The following ARG1 variants were observed in gnomAD, a reference collection of about 807,000 sequenced individuals.
ARG1 encodes arginase 1.
A neutral mutation model predicts 33.0 loss-of-function variants in ARG1; 20 were observed. The observed-to-expected ratio is 0.61, with a 90% confidence interval of 0.43 to 0.88. The LOEUF (loss-of-function observed/expected upper bound fraction) is 0.88, where lower values mean the gene tolerates loss of function less well. Ranked by LOEUF, ARG1 falls within the 40% of genes least tolerant of loss-of-function variation. The pLI is 0.00. For missense variants in ARG1, 374 were observed against 384.7 expected (o/e 0.97, Z 0.23); for synonymous variants, 146 against 140.6 (o/e 1.04, Z -0.27).
At chr6:131,574,566 G>A (rs1001842006) in intron 1 of ARG1, among the ~76,000 whole-genome samples, 1 of 152,212 alleles carries the variant, frequency 6.6e-6, no homozygotes, top group South Asian at 2.1e-4. Context: ...ATGGTCATGA[G>A]AATGGAGTTC....
intron 4 of ARG1, 34 bp downstream of exon 4, chr6:131,581,412 A>ATACTT: frequency 6.3e-7 from 1 of 1,593,366 alleles, no homozygotes; most frequent in South Asian, 1.1e-5. Context: ...GTGCAATAGA[A>ATACTT]TACTTTTTAG....
In ARG1 at chr6:131,584,145, A is replaced by G. The variant is rs1774083531; in HGVS notation, c.*237A>G. The G allele has an allele frequency of 3.9e-6, 2 of 517,250 alleles. No individual in the cohort carries two copies. The highest frequency in any genetic ancestry group is 3.6e-5 in the East Asian group (1 of 27,566). 32.0% of individuals were successfully genotyped at this position (517,250 alleles called of 1,614,324 possible). A position where few individuals can be genotyped will look rare whatever the true frequency, so the allele number is the denominator to read the frequency against. On this transcript the variant is annotated 3_prime_UTR_variant, in exon 8 of 8. Coordinates refer to ENST00000368087, the MANE Select transcript of ARG1 (RefSeq NM_000045.4). ...TGGCAAAAGACTTATCCTTAGAAAGAGAAGTGTACATTGATTTCCAATTAA... is the reference window on the plus strand; with the variant it reads ...TGGCAAAAGACTTATCCTTAGAAAGGGAAGTGTACATTGATTTCCAATTAA...
At chr6:131,579,700 GAC>G (rs539485326) in intron 3 of ARG1, 3 of 158,774 alleles carry the variant, frequency 1.9e-5, no homozygotes, top group Admixed American at 6.3e-5. Context: ...GAAAGCATCA[GAC>G]ACACACACAC....
At chr6:131,582,751 T>C (rs766172319) in intron 5 of ARG1, 36 bp downstream of exon 5, 6 of 1,590,758 alleles carry the variant, frequency 3.8e-6, no homozygotes, top group Non-Finnish European at 5.2e-6. Flanking sequence ...GCCTCCATTT[T>C]TGTCCCTTTG....
intron 3 of ARG1, among the ~76,000 whole-genome samples, chr6:131,579,911 C>T (rs1410318680): frequency 1.3e-5 from 2 of 151,882 alleles, no homozygotes; most frequent in East Asian, 3.9e-4. Context: ...CTCTACAGTG[C>T]AAATTTCCTT....
intron 6 of ARG1, 44 bp downstream of exon 6, chr6:131,583,208 A>T (rs1422811913): frequency 6.3e-7 from 1 of 1,597,136 alleles, no homozygotes; most frequent in East Asian, 2.2e-5. Flanking sequence ...GCAACAGAAA[A>T]GGTTGCTACT....
At chr6:131,575,625 C>A (rs939708302) in intron 1 of ARG1, among the ~76,000 whole-genome samples, 1 of 152,178 alleles carries the variant, frequency 6.6e-6, no homozygotes, top group Non-Finnish European at 1.5e-5. Context: ...CAGCCCCAAT[C>A]CTAAAGATAG....
At chr6:131,579,022 A>G in intron 2 of ARG1, 89 bp from the exon 3 acceptor site, 2 of 1,427,414 alleles carry the variant, frequency 1.4e-6, no homozygotes, top group East Asian at 2.4e-5. Context: ...TTGTGAATAT[A>G]TGCCTATTTT....
At chr6:131,582,520 T>C (rs957424082) in intron 4 of ARG1, 101 bp from the exon 5 acceptor site, 3 of 871,836 alleles carry the variant, frequency 3.4e-6, no homozygotes, top group Non-Finnish European at 5.7e-6. Flanking sequence ...ATTTATATTC[T>C]AAATATAAGA....
intron 1 of ARG1, among the ~76,000 whole-genome samples, chr6:131,576,139 A>T (rs946280972): frequency 1.3e-5 from 2 of 152,140 alleles, no homozygotes; most frequent in African/African-American, 4.8e-5. Flanking sequence ...TTACTGACAC[A>T]CCCTGTCCCC....
intron 4 of ARG1, among the ~76,000 whole-genome samples, chr6:131,582,068 T>C (rs1264621807): frequency 6.6e-6 from 1 of 152,224 alleles, no homozygotes; most frequent in African/African-American, 2.4e-5. Context: ...TTGGTCCTTA[T>C]GATGATACAA....
rs373436196 is a variant in ARG1, at chr6:131,581,783, G to A, written c.465+405G>A. Among the ~76,000 whole-genome samples, 6 of 152,180 alleles carry A rather than the reference G, an allele frequency of 3.9e-5. No homozygotes were observed. The East Asian group carries it at 1.2e-3, about 29-fold the overall frequency. ...CACAGTTCTGCATTCTTACTGAGTAGTCCTTCTATATCATAGAGGCTTTTC... is the reference window on the plus strand; with the variant it reads ...CACAGTTCTGCATTCTTACTGAGTAATCCTTCTATATCATAGAGGCTTTTC... On this transcript the variant is annotated intron_variant, in intron 4 of 7. Coordinates refer to ENST00000368087, the MANE Select transcript of ARG1 (RefSeq NM_000045.4).
Position 131,583,394 on chromosome 6 carries a change from A to C in ARG1, c.705A>C (p.Gly235=). Residue 235 remains glycine (G), a synonymous_variant, in exon 7 of 8, where the codon GGA becomes GGC. Transcript: ENST00000368087. The part of the protein sequence containing the change: ...RPIHLSFDVD[G]LDPSFTPATG... ...TTCATCTAAGTTTTGATGTTGACGG[A>C]CTGGACCCATCTTTCACACCAGCTA... is the stretch of plus-strand genomic sequence containing the variant. The C allele has an allele frequency of 6.2e-7, 1 of 1,614,186 alleles. No individual in the cohort carries two copies. The highest frequency in any genetic ancestry group is 1.1e-5 in the South Asian group (1 of 91,084).
Position 131,583,722 on chromosome 6 carries a change from A to G in ARG1, c.803-20A>G. ...TGTCAACTATTTTATAAATTACATT[A>G]TTACAATTTGTTGTTGTAGGGCTAC... On this transcript the variant is annotated intron_variant, in intron 7 of 7. Coordinates refer to ENST00000368087, the MANE Select transcript of ARG1 (RefSeq NM_000045.4). 6.2e-7 allele frequency: 1 copy of G among 1,610,214 alleles called. No homozygotes were observed. Among genetic ancestry groups the G allele is most frequent in the South Asian group, 1.1e-5 (1 of 90,944 alleles).
chr6:131,573,398 A>T, intron 1 of ARG1, 59 bp downstream of exon 1: 1 of 1,551,244 alleles, frequency 6.4e-7, no homozygotes, highest in Non-Finnish European at 8.9e-7. Context: ...TTGGACTTCA[A>T]AATTTGTAAG....
chr6:131,583,287 A>C, intron 6 of ARG1, 68 bp from the exon 7 acceptor site: 1 of 1,610,244 alleles, frequency 6.2e-7, no homozygotes, highest in African/African-American at 1.3e-5. Flanking sequence ...AAACAAGTTA[A>C]CAGATTATTA....
At position 131,583,925 on chromosome 6, in the gene ARG1, T is replaced by C. The variant is rs556580014; in HGVS notation, c.*17T>C. 27 of 1,612,644 alleles carry C rather than the reference T, an allele frequency of 1.7e-5. No individual in the cohort carries two copies. In the African/African-American group the frequency reaches 2.7e-4, roughly 16 times the overall value. On this transcript the variant is annotated 3_prime_UTR_variant, in exon 8 of 8. Coordinates refer to ENST00000368087, the MANE Select transcript of ARG1 (RefSeq NM_000045.4). ...CCTAAGTAAATGTGGAAACATCCGA[T>C]ATAAATCTCATAGTTAATGGCATAA...
chr6:131,579,211 C>A lies in ARG1; in HGVS notation c.231C>A (p.Ser77Arg). Reference sequence around the variant, plus strand: ...ATCCAAGGTCTGTGGGAAAAGCAAGCGAGCAGCTGGCTGGCAAGGTGGCAG... The same window carrying A: ...ATCCAAGGTCTGTGGGAAAAGCAAGAGAGCAGCTGGCTGGCAAGGTGGCAG... ...VKNPRSVGKA[S>R]EQLAGKVAEV... Residue 77 changes from serine to arginine, a missense_variant, in exon 3 of 8, where the codon AGC (serine) becomes AGA (arginine). Ser to Arg is a moderately radical substitution (Grantham distance 110). Transcript: ENST00000368087. 6.2e-7 allele frequency: 1 copy of A among 1,614,046 alleles called. No individual in the cohort carries two copies. Among genetic ancestry groups the A allele is most frequent in the Non-Finnish European group, 8.5e-7 (1 of 1,180,004 alleles).
At chr6:131,577,891 G>C (rs182374446) in intron 2 of ARG1, among the ~76,000 whole-genome samples, 1 of 145,336 alleles carries the variant, frequency 6.9e-6, no homozygotes, top group African/African-American at 2.6e-5. Context: ...GCGACAGAGC[G>C]AGACTCCATC....
Sources: gnomAD v4.1 joint callset for allele counts (sites outside exome capture counted in the v4.1 genomes callset) on GRCh38, gnomAD v4.1.1 for gene constraint, MANE v1.5 for transcripts, NCBI Gene and HGNC (gene_info 2026-07-23, HGNC 2026-07-21) for gene names.